SYT14: variants seen among roughly 807,000 people sequenced by gnomAD.
SYT14 encodes the protein synaptotagmin 14.
SYT14 carries 32 observed loss-of-function variants against 74.2 expected under a neutral mutation model. That is an observed-to-expected ratio of 0.43 (90% CI 0.33 to 0.58). The LOEUF is 0.58. Among genes scored for constraint, SYT14 ranks in the 20% least tolerant of loss-of-function variants. SYT14 has a pLI of 0.05. For missense variants in SYT14, 791 were observed against 981.8 expected, an observed-to-expected ratio of 0.81 and a Z score of 2.60; for synonymous variants, 298 against 337.7, an observed-to-expected ratio of 0.88 and a Z score of 1.29.
chr1:210,028,109 C>CCAT (rs1170784223), intron 5 of SYT14, among the ~76,000 whole-genome samples: 3 of 152,062 alleles, frequency 2.0e-5, no homozygotes, highest in African/African-American at 7.2e-5. Flanking sequence ...CTTTCTGTCT[C>CCAT]TATGAACTTG....
At chr1:209,970,662 C>CTTTTTTTTTTTTTTTTTTTTTTTTT in intron 2 of SYT14, among the ~76,000 whole-genome samples, 1 of 62,810 alleles carries the variant, frequency 1.6e-5, no homozygotes, top group Non-Finnish European at 2.8e-5. Flanking sequence ...GGCAGTATGG[C>CTTTTTTTTTTTTTTTTTTTTTTTTT]TTTTTTTTTT....
At chr1:210,113,660 T>C (rs2082306086) in intron 7 of SYT14, among the ~76,000 whole-genome samples, 1 of 150,602 alleles carries the variant, frequency 6.6e-6, no homozygotes, top group Non-Finnish European at 1.5e-5. Context: ...ACTTGTGGAT[T>C]AAGGTGGGGA....
At chr1:210,002,472 A>G (rs1421956445) in intron 2 of SYT14, among the ~76,000 whole-genome samples, 1 of 151,946 alleles carries the variant, frequency 6.6e-6, no homozygotes, top group Non-Finnish European at 1.5e-5. Context: ...TTTGCATGTA[A>G]CTATTATTCA....
exon 4 of SYT14, chr1:210,015,711 G>C: frequency 4.0e-6 from 1 of 252,600 alleles, no homozygotes. Context: ...AATAGTATTT[G>C]AGGGAAAAAT....
chr1:209,979,698 T>C (rs2079445214), intron 2 of SYT14, among the ~76,000 whole-genome samples: 1 of 152,194 alleles, frequency 6.6e-6, no homozygotes, highest in South Asian at 2.1e-4. Flanking sequence ...AGTGAGAACA[T>C]GTGGCATTTG....
At chr1:210,099,537 G>T (rs937258134) in intron 6 of SYT14, among the ~76,000 whole-genome samples, 1 of 152,004 alleles carries the variant, frequency 6.6e-6, no homozygotes, top group Admixed American at 6.5e-5. Context: ...TTTTATTACA[G>T]ATGGGGGTGT....
exon 10 of SYT14, chr1:210,168,757 C>A (rs1395261709): frequency 1.3e-5 from 2 of 152,286 alleles, no homozygotes; most frequent in African/African-American, 4.8e-5. Context: ...GTGCCAACCT[C>A]CTTCTGACGG....
intron 7 of SYT14, among the ~76,000 whole-genome samples, chr1:210,135,325 A>G (rs527298596): frequency 2.6e-5 from 4 of 151,880 alleles, no homozygotes; most frequent in South Asian, 2.1e-4. Flanking sequence ...TAGACCTTCT[A>G]TTGCTGTATC....
At chr1:210,034,743 C>T (rs145990024) in intron 5 of SYT14, among the ~76,000 whole-genome samples, 9 of 151,864 alleles carry the variant, frequency 5.9e-5, no homozygotes, top group African/African-American at 1.9e-4. Context: ...CTTTATGCTT[C>T]TGAGGTATTT....
intron 2 of SYT14, among the ~76,000 whole-genome samples, chr1:209,962,014 A>G (rs1024497424): frequency 1.3e-5 from 2 of 152,118 alleles, no homozygotes; most frequent in Non-Finnish European, 1.5e-5. Context: ...TTCTATGCAA[A>G]TCCAGTAAAA....
At chr1:209,965,581 G>T (rs549818439) in intron 2 of SYT14, among the ~76,000 whole-genome samples, 1 of 152,304 alleles carries the variant, frequency 6.6e-6, no homozygotes, top group Admixed American at 6.5e-5. Context: ...ACCCGGTAAT[G>T]AGATTGCTGG....
intron 2 of SYT14, among the ~76,000 whole-genome samples, chr1:210,008,759 A>ATAGG (rs1287677854): frequency 6.6e-6 from 1 of 152,208 alleles, no homozygotes; most frequent in East Asian, 1.9e-4. Context: ...GAAAGAAGGT[A>ATAGG]TAGGTATAGA....
chr1:210,121,971 CTTTTTTT>C (rs752880685), intron 7 of SYT14, among the ~76,000 whole-genome samples: 1 of 54,504 alleles, frequency 1.8e-5, no homozygotes, highest in Non-Finnish European at 3.0e-5. Flanking sequence ...AATCCTGAAA[CTTTTTTT>C]TTTTTTTTTT....
chr1:209,999,081 C>G (rs2079847784), intron 2 of SYT14, among the ~76,000 whole-genome samples: 1 of 151,980 alleles, frequency 6.6e-6, no homozygotes, highest in South Asian at 2.1e-4. Context: ...TTACAAGAAA[C>G]TCAGTGGCAG....
chr1:209,951,572 C>A (rs988542679), intron 1 of SYT14, among the ~76,000 whole-genome samples: 5 of 152,060 alleles, frequency 3.3e-5, no homozygotes, highest in Admixed American at 2.0e-4. Flanking sequence ...ATGCACTTGC[C>A]CCATAAACCC....
intron 2 of SYT14, among the ~76,000 whole-genome samples, chr1:209,969,664 T>C (rs929043400): frequency 8.6e-5 from 13 of 152,022 alleles, no homozygotes; most frequent in Non-Finnish European, 1.5e-4. Flanking sequence ...ATTTTTTGTA[T>C]TTTTAGTGTA....
chr1:210,000,664 G>C (rs1268148403), intron 2 of SYT14, among the ~76,000 whole-genome samples: 1 of 135,740 alleles, frequency 7.4e-6, no homozygotes, highest in Non-Finnish European at 1.5e-5. Context: ...ACCCAGGCTG[G>C]AGTGCAGTGG....
rs780640195 is a variant in SYT14 at position 210,094,445 on chromosome 1, G to A, written c.1436G>A (p.Cys479Tyr). The change falls in exon 6 of 10, where the codon TGT becomes TAT. Residue 479 changes from cysteine (C) to tyrosine (Y), a missense_variant. Cys to Tyr is a radical substitution (Grantham distance 194). Transcript: ENST00000637265. The stretch of plus-strand genomic sequence containing the variant: ...CCCTCAGAAATTGGGGACAGTAAAT[G>A]TGAATTTTCCCACTGCAGCAACAGT... The A allele has an allele frequency of 1.2e-6, 2 of 1,613,876 alleles. No homozygotes were observed. Among genetic ancestry groups the A allele is most frequent in the Non-Finnish European group, 1.7e-6 (2 of 1,179,978 alleles).
intron 5 of SYT14, among the ~76,000 whole-genome samples, chr1:210,033,314 C>G (rs2080582961): frequency 6.6e-6 from 1 of 151,590 alleles, no homozygotes. Flanking sequence ...AATTACAGAG[C>G]CATTTTAAAG....
Sources: gnomAD v4.1 joint callset for allele counts (sites outside exome capture counted in the v4.1 genomes callset) on GRCh38, gnomAD v4.1.1 for gene constraint, MANE v1.5 for transcripts, NCBI Gene and HGNC (gene_info 2026-07-23, HGNC 2026-07-21) for gene names.